Variants in GALNT2 observed in about 807,000 individuals in gnomAD.
GALNT2 encodes the protein polypeptide N-acetylgalactosaminyltransferase 2.
Under a neutral mutation model 81.4 loss-of-function variants are expected in GALNT2, and 31 were observed. The observed-to-expected ratio is 0.38, with a 90% CI of 0.29 to 0.51. The LOEUF is 0.51. Among genes scored for constraint, GALNT2 ranks in the 20% least tolerant of loss-of-function variants. The probability of loss-of-function intolerance (pLI) is 0.87; values close to 1 mark genes in which losing one functional copy is unlikely to be tolerated. For synonymous variants in GALNT2, 303 were observed against 287.4 expected (o/e 1.05, Z -0.55); for missense variants, 629 against 765.7 (o/e 0.82, Z 2.11).
intron 11 of GALNT2, chr1:230,258,794 GGGCA>G (rs2102756774): frequency 6.6e-6 from 1 of 152,106 alleles, no homozygotes; most frequent in African/African-American, 2.4e-5. Context: ...CTTTTTCCTG[GGGCA>G]GCATGAGATT....
At chr1:230,222,879 G>T (rs554962834) in intron 3 of GALNT2, among the ~76,000 whole-genome samples, 12 of 152,150 alleles carry the variant, frequency 7.9e-5, no homozygotes, top group Non-Finnish European at 1.6e-4. Context: ...CCATTAACCA[G>T]GCTGTGGTGA....
At chr1:230,198,675 C>T (rs2102703336) in intron 2 of GALNT2, among the ~76,000 whole-genome samples, 1 of 152,306 alleles carries the variant, frequency 6.6e-6, no homozygotes, top group Non-Finnish European at 1.5e-5. Flanking sequence ...GGGTCGCAGA[C>T]AGGTGACTTG....
intron 11 of GALNT2, 22 bp downstream of exon 11, chr1:230,255,366 G>A (rs201492996): frequency 9.5e-5 from 154 of 1,614,100 alleles, no homozygotes; most frequent in South Asian, 9.0e-4. Flanking sequence ...AAGGCTGAGC[G>A]GGGTCCAAAA....
chr1:230,178,308 C>G lies in GALNT2; in HGVS notation c.217C>G (p.Pro73Ala), dbSNP rs1663051182. The change falls in exon 2 of 16, where the codon CCA (proline) becomes GCA (alanine). Residue 73 changes from proline to alanine, a missense_variant. Pro to Ala is a conservative substitution (Grantham distance 27). Around this residue, in one of 3 missense-constraint regions of GALNT2, gnomAD observed 360 missense variants for 492.8 expected, o/e 0.73. Coordinates refer to ENST00000366672, the MANE Select transcript of GALNT2 (RefSeq NM_004481.5). The stretch of plus-strand genomic sequence containing the variant: ...AGCACAAAGCATGGAGACCCTCCCT[C>G]CAGGTACTGCCAGGGGCCAGGAAGC... Reference protein sequence around the residue: ...EKAQSMETLPPGKVRWPDFNQ... With the variant: ...EKAQSMETLPAGKVRWPDFNQ... The G allele has an allele frequency of 1.9e-6, 3 of 1,611,766 alleles. No individual in the cohort carries two copies. The highest frequency in any genetic ancestry group is 2.7e-5 in the African/African-American group (2 of 74,988).
chr1:230,128,537 C>T (rs1026499970), intron 1 of GALNT2, among the ~76,000 whole-genome samples: 3 of 141,632 alleles, frequency 2.1e-5, no homozygotes, highest in Non-Finnish European at 4.5e-5. Flanking sequence ...TCTGGAGTTG[C>T]TGGCTTTTGG....
Position 230,174,962 on chromosome 1 carries a change from C to G in GALNT2, c.127-3256C>G, listed in dbSNP as rs367928518. On this transcript the variant is annotated intron_variant, in intron 1 of 15. Transcript: ENST00000366672. ...GCCTTCCTGGGGGCCCTGTTCTACG[C>G]GGGGCCTGTGCCTCTGGGCCGTTGT... Among the ~76,000 whole-genome samples the G allele has an allele frequency of 1.1e-4, 17 of 152,326 alleles. No homozygotes were observed. In the East Asian group the frequency reaches 1.7e-3, roughly 16 times the overall value.
Position 230,217,103 on chromosome 1 carries a change from G to A in GALNT2, c.374+13813G>A, listed in dbSNP as rs78541672. Among the ~76,000 whole-genome samples the A allele has an allele frequency of 2.6e-3, 396 of 152,076 alleles. 2 individuals carry two copies. Among genetic ancestry groups the A allele is most frequent in the African/African-American group, 9.0e-3 (374 of 41,472 alleles). ...CAAAACATTAAAAAAAAACTCTGCC[G>A]TCATAGAGCTCACATTAAGAGGATG... On this transcript the variant is annotated intron_variant, in intron 3 of 15. Coordinates refer to ENST00000366672, the MANE Select transcript of GALNT2 (RefSeq NM_004481.5).
intron 1 of GALNT2, among the ~76,000 whole-genome samples, chr1:230,069,949 G>A (rs2102741159): frequency 6.6e-6 from 1 of 152,224 alleles, no homozygotes; most frequent in East Asian, 1.9e-4. Context: ...GATCGTCTGA[G>A]GGGAGTCCAA....
intron 3 of GALNT2, among the ~76,000 whole-genome samples, chr1:230,213,516 C>T (rs1664295509): frequency 6.6e-6 from 1 of 152,116 alleles, no homozygotes; most frequent in Admixed American, 6.5e-5. Flanking sequence ...TTTTTATGTC[C>T]TTATATTTAA....
chr1:230,185,307 C>CGT (rs368330813), intron 2 of GALNT2, among the ~76,000 whole-genome samples: 20 of 128,126 alleles, frequency 1.6e-4, no homozygotes, highest in African/African-American at 4.8e-4. Flanking sequence ...TGTGTGCGCG[C>CGT]GTGTGTGTGT....
chr1:230,274,371 CCT>C, intron 14 of GALNT2, 72 bp from the exon 15 acceptor site: 1 of 1,556,964 alleles, frequency 6.4e-7, no homozygotes, highest in Non-Finnish European at 8.7e-7. Flanking sequence ...CTTTTTGAGC[CCT>C]CATCGATGCC....
intron 14 of GALNT2, among the ~76,000 whole-genome samples, chr1:230,272,838 A>G (rs914722529): frequency 6.6e-6 from 1 of 152,162 alleles, no homozygotes; most frequent in African/African-American, 2.4e-5. Flanking sequence ...GCACAATCAC[A>G]GTTCACTGCA....
At chr1:230,112,558 A>G (rs1023990272) in intron 1 of GALNT2, among the ~76,000 whole-genome samples, 3 of 152,190 alleles carry the variant, frequency 2.0e-5, no homozygotes, top group African/African-American at 7.2e-5. Context: ...CCACACAGGC[A>G]GTCTGCTGTG....
intron 14 of GALNT2, among the ~76,000 whole-genome samples, chr1:230,269,525 A>G (rs570730654): frequency 6.6e-6 from 1 of 152,106 alleles, no homozygotes; most frequent in African/African-American, 2.4e-5. Context: ...GCCAGGTGCT[A>G]TGCCCAGAGA....
rs1666172316 is a variant in GALNT2 at position 230,271,999 on chromosome 1, C to T, written c.1441-2446C>T. Among the ~76,000 whole-genome samples the T allele has an allele frequency of 2.0e-5, 3 of 152,264 alleles. No homozygotes were observed. In the South Asian group the frequency reaches 6.2e-4, roughly 32 times the overall value. On this transcript the variant is annotated intron_variant, in intron 14 of 15. Coordinates refer to ENST00000366672, the MANE Select transcript of GALNT2 (RefSeq NM_004481.5). This position sits in a 1 kb window ranked among gnomAD's most constrained non-coding sequence, Gnocchi z 4.2. The stretch of plus-strand genomic sequence containing the variant: ...GTTGCTTCATTAGAACAAGACACTC[C>T]CATCACCCAATAAATTCCAAGGGAG...
At chr1:230,094,604 C>T (rs945147273) in intron 1 of GALNT2, among the ~76,000 whole-genome samples, 1 of 152,156 alleles carries the variant, frequency 6.6e-6, no homozygotes, top group Non-Finnish European at 1.5e-5. Flanking sequence ...CATCACTGCA[C>T]TCCAGCCTGG....
At chr1:230,149,892 C>T (rs1337224605) in intron 1 of GALNT2, among the ~76,000 whole-genome samples, 4 of 152,174 alleles carry the variant, frequency 2.6e-5, no homozygotes, top group Non-Finnish European at 4.4e-5. Context: ...CGAATTGTTT[C>T]AGCAGGGCTT....
intron 1 of GALNT2, among the ~76,000 whole-genome samples, chr1:230,136,010 T>C (rs1188505490): frequency 6.6e-6 from 1 of 152,092 alleles, no homozygotes; most frequent in Non-Finnish European, 1.5e-5. Flanking sequence ...CTCTTTCTGA[T>C]CCTTAGTTTT....
intron 8 of GALNT2, among the ~76,000 whole-genome samples, chr1:230,246,620 C>T (rs113036240): frequency 5.3e-5 from 8 of 152,270 alleles, no homozygotes; most frequent in South Asian, 2.1e-4. Flanking sequence ...TCAACCCCCT[C>T]GCCCTCACCA....
Sources: allele counts gnomAD v4.1 joint callset (sites outside exome capture counted in the v4.1 genomes callset), GRCh38; gene constraint gnomAD v4.1.1; regional missense constraint gnomAD v4.1.1; non-coding constraint Gnocchi (gnomAD v3.1); transcripts MANE v1.5; gene names NCBI Gene and HGNC (gene_info 2026-07-23, HGNC 2026-07-21).